Variants in VPS54 observed in about 807,000 individuals in gnomAD.
VPS54 encodes the protein VPS54 subunit of GARP complex.
VPS54 carries 45 observed loss-of-function variants against 121.5 expected under a neutral mutation model. The ratio of observed to expected loss-of-function variants is 0.37; its 90% confidence interval spans 0.29 to 0.47. VPS54 has a LOEUF of 0.47. VPS54 is among the 20% of genes least tolerant of loss of function. VPS54 has a pLI of 0.99. For synonymous variants in VPS54, 371 were observed against 385.8 expected, an observed-to-expected ratio of 0.96 and a Z score of 0.45; for missense variants, 1,090 against 1,131.4, an observed-to-expected ratio of 0.96 and a Z score of 0.52.
chr2:63,991,556 T>C (rs746571548), intron 1 of VPS54, among the ~76,000 whole-genome samples: 2 of 152,118 alleles, frequency 1.3e-5, no homozygotes, highest in South Asian at 2.1e-4. Flanking sequence ...CTCAGAAAAA[T>C]TGCACTGTTA....
At chr2:63,977,518 T>C (rs1676597564) in intron 3 of VPS54, among the ~76,000 whole-genome samples, 1 of 152,228 alleles carries the variant, frequency 6.6e-6, no homozygotes, top group Non-Finnish European at 1.5e-5. Flanking sequence ...ATCAAAAGCA[T>C]TCTTCATTTC....
chr2:63,998,208 CTCT>C (rs879522458), intron 1 of VPS54, among the ~76,000 whole-genome samples: 21 of 152,220 alleles, frequency 1.4e-4, no homozygotes, highest in Non-Finnish European at 2.8e-4. Flanking sequence ...CCTTCATTGT[CTCT>C]TCTTATAGTT....
chr2:63,994,831 T>C (rs540551266), intron 1 of VPS54, among the ~76,000 whole-genome samples: 64 of 152,216 alleles, frequency 4.2e-4, no homozygotes, highest in Non-Finnish European at 7.6e-4. Flanking sequence ...GTAATGTTTA[T>C]AAATGACTCA....
At chr2:63,956,884 C>G (rs1295021398) in intron 7 of VPS54, among the ~76,000 whole-genome samples, 1 of 152,048 alleles carries the variant, frequency 6.6e-6, no homozygotes, top group Non-Finnish European at 1.5e-5. Context: ...CAAAGCTTTA[C>G]AGTAAGAGCA....
intron 1 of VPS54, among the ~76,000 whole-genome samples, chr2:63,992,440 C>T (rs1233364603): frequency 2.0e-5 from 3 of 152,150 alleles, no homozygotes; most frequent in Non-Finnish European, 4.4e-5. Context: ...ATTACTAAAC[C>T]CCTCCCAATT....
chr2:63,916,201 C>A (rs1673372364), intron 16 of VPS54, among the ~76,000 whole-genome samples: 1 of 152,026 alleles, frequency 6.6e-6, no homozygotes, highest in South Asian at 2.1e-4. Flanking sequence ...TTGTAAAGAT[C>A]AAATGAGATC....
Position 63,914,305 on chromosome 2 carries a change from T to C in VPS54, c.2229-18A>G. 6.5e-7 allele frequency: 1 copy of C among 1,535,534 alleles called. No homozygotes were observed. Among genetic ancestry groups the C allele is most frequent in the Non-Finnish European group, 8.9e-7 (1 of 1,120,590 alleles). On this transcript the variant is annotated intron_variant, in intron 16 of 22. Coordinates refer to ENST00000272322, the MANE Select transcript of VPS54 (RefSeq NM_016516.3). The stretch of plus-strand genomic sequence containing the variant: ...ATACGGTTCTACAAGAAAAGAAAAA[T>C]GGCCCAATAGGAAATCAAAACAAGA...
In VPS54 at chr2:63,893,143, T is replaced by G; in HGVS notation, c.*287A>C. On this transcript the variant is annotated 3_prime_UTR_variant, in exon 23 of 23. Transcript: ENST00000272322. Reference sequence around the variant, plus strand: ...CAACTACAGCTGTGTTACAGCTATGTGTTCTTTTGGATTTGGTCCAAAGAA... The same window carrying G: ...CAACTACAGCTGTGTTACAGCTATGGGTTCTTTTGGATTTGGTCCAAAGAA... The G allele has an allele frequency of 4.3e-6, 2 of 463,688 alleles. No homozygotes were observed. The highest frequency in any genetic ancestry group is 8.0e-6 in the Non-Finnish European group (2 of 251,448). The allele number at this position is 463,688 out of a possible 1,614,324, so 28.7% of individuals were successfully genotyped here.
At chr2:63,957,176 C>T (rs1675532949) in intron 7 of VPS54, among the ~76,000 whole-genome samples, 1 of 152,098 alleles carries the variant, frequency 6.6e-6, no homozygotes, top group South Asian at 2.1e-4. Flanking sequence ...GGCACGGTGG[C>T]TCACACCTGT....
intron 9 of VPS54, 44 bp downstream of exon 9, chr2:63,947,339 A>G: frequency 6.8e-7 from 1 of 1,464,958 alleles, no homozygotes; most frequent in Non-Finnish European, 9.2e-7. Flanking sequence ...TAAACTTCAC[A>G]AAGGTTCCAG....
intron 20 of VPS54, among the ~76,000 whole-genome samples, chr2:63,909,881 C>T (rs191678983): frequency 8.6e-4 from 130 of 151,496 alleles, no homozygotes; most frequent in Non-Finnish European, 1.2e-3. Flanking sequence ...CCCACCACCA[C>T]GCCTGGCTAA....
chr2:63,968,248 T>C (rs1676103536), intron 5 of VPS54, among the ~76,000 whole-genome samples: 1 of 152,136 alleles, frequency 6.6e-6, no homozygotes, highest in South Asian at 2.1e-4. Flanking sequence ...AAGTATCTCT[T>C]AATAATTTGA....
rs1676923536 is a variant in VPS54, at chr2:63,983,949, A to G, written c.51T>C (p.Asp17=). The G allele has an allele frequency of 3.7e-6, 6 of 1,613,762 alleles. No homozygotes were observed. Among genetic ancestry groups the G allele is most frequent in the Admixed American group, 1.7e-5 (1 of 60,000 alleles). Residue 17 remains aspartate, a synonymous_variant, in exon 2 of 23, where the codon GAT becomes GAC. Transcript: ENST00000272322. The stretch of plus-strand genomic sequence containing the variant: ...GATCTACCTCTATTTTAAAGAAAAC[A>G]TCACTGCTGCTTCCTTGAGGCACTG... The part of the protein sequence containing the change: ...SSPVPQGSSS[D]VFFKIEVDPS...
At chr2:63,952,728 A>G (rs1675312053) in intron 7 of VPS54, among the ~76,000 whole-genome samples, 1 of 152,240 alleles carries the variant, frequency 6.6e-6, no homozygotes, top group Non-Finnish European at 1.5e-5. Context: ...AATGGCATCA[A>G]TATCTTACAG....
intron 9 of VPS54, among the ~76,000 whole-genome samples, chr2:63,945,547 A>G (rs909022235): frequency 6.6e-6 from 1 of 152,182 alleles, no homozygotes; most frequent in African/African-American, 2.4e-5. Context: ...TAAGATAAAA[A>G]AAAATTTTAA....
At chr2:63,921,395 G>A (rs1673640188) in intron 12 of VPS54, 60 bp from the exon 13 acceptor site, 2 of 1,536,276 alleles carry the variant, frequency 1.3e-6, no homozygotes, top group East Asian at 2.3e-5. Context: ...TTCTCCACAG[G>A]TGACCTATCA....
At chr2:63,988,411 T>C (rs981902224) in intron 1 of VPS54, among the ~76,000 whole-genome samples, 8 of 152,222 alleles carry the variant, frequency 5.3e-5, no homozygotes, top group African/African-American at 1.9e-4. Context: ...AGTATTTTTA[T>C]TGAAGATTTT....
chr2:63,982,282 T>C (rs1443481741), intron 2 of VPS54, among the ~76,000 whole-genome samples: 1 of 152,158 alleles, frequency 6.6e-6, no homozygotes, highest in Non-Finnish European at 1.5e-5. Flanking sequence ...GGTAGGCCTC[T>C]TTTCTATTAT....
intron 12 of VPS54, among the ~76,000 whole-genome samples, chr2:63,928,522 A>T (rs2104470970): frequency 6.6e-6 from 1 of 152,342 alleles, no homozygotes; most frequent in East Asian, 1.9e-4. Flanking sequence ...CTAAACATGG[A>T]AAGGAACAAC....
Sources: gnomAD v4.1 joint callset for allele counts (sites outside exome capture counted in the v4.1 genomes callset) on GRCh38, gnomAD v4.1.1 for gene constraint, MANE v1.5 for transcripts, NCBI Gene and HGNC (gene_info 2026-07-23, HGNC 2026-07-21) for gene names.